Variants in HTR1F observed in about 807,000 individuals in gnomAD.
HTR1F encodes 5-hydroxytryptamine receptor 1F.
HTR1F carries 17 observed loss-of-function variants against 24.0 expected under a neutral mutation model. The observed-to-expected ratio is 0.71, with a 90% CI of 0.48 to 1.06. The LOEUF (loss-of-function observed/expected upper bound fraction) is 1.06, where lower values mean the gene tolerates loss of function less well. Ranked by LOEUF, HTR1F falls within the 50% of genes least tolerant of loss-of-function variation. The pLI, the probability that HTR1F is intolerant of heterozygous loss-of-function variation, is 0.00. For synonymous variants in HTR1F, 186 were observed against 156.8 expected, an observed-to-expected ratio of 1.19 and a Z score of -1.39; for missense variants, 391 against 427.8, an observed-to-expected ratio of 0.91 and a Z score of 0.76.
At chr3:87,849,273 C>G (rs1445545648) in intron 2 of HTR1F, among the ~76,000 whole-genome samples, 29 of 151,628 alleles carry the variant, frequency 1.9e-4, no homozygotes, top group East Asian at 3.9e-4. Context: ...TAGATCAATG[C>G]AACAGAACAG....
intron 1 of HTR1F, among the ~76,000 whole-genome samples, chr3:87,812,904 G>A (rs188408557): frequency 6.6e-6 from 1 of 152,370 alleles, no homozygotes; most frequent in African/African-American, 2.4e-5. Context: ...TGCATGTGCA[G>A]AGTCAAGAAG....
intron 2 of HTR1F, among the ~76,000 whole-genome samples, chr3:87,841,831 C>G (rs1472388717): frequency 7.4e-6 from 1 of 134,992 alleles, no homozygotes; most frequent in Non-Finnish European, 1.5e-5. Flanking sequence ...ACCCTGGAGG[C>G]AGAGATTGCA....
intron 2 of HTR1F, among the ~76,000 whole-genome samples, chr3:87,945,086 C>A (rs1409731742): frequency 6.6e-6 from 1 of 151,688 alleles, no homozygotes; most frequent in Non-Finnish European, 1.5e-5. Context: ...CTCTCTCTCT[C>A]CTCCATCTCT....
At chr3:87,884,588 C>T (rs1243605316) in intron 2 of HTR1F, among the ~76,000 whole-genome samples, 1 of 152,112 alleles carries the variant, frequency 6.6e-6, no homozygotes, top group Non-Finnish European at 1.5e-5. Context: ...CATCACTGTG[C>T]TATATTCAGG....
At position 87,873,883 on chromosome 3, in the gene HTR1F, T is replaced by C. The variant is rs562727541; in HGVS notation, c.-43+51759T>C. Among the ~76,000 whole-genome samples, 3 of 152,238 alleles carry C rather than the reference T, an allele frequency of 2.0e-5. No homozygotes were observed. The South Asian group carries it at 6.2e-4, about 32-fold the overall frequency. The stretch of plus-strand genomic sequence containing the variant: ...AACAGTAAGGACAAAAACCATATGA[T>C]TATCTCAATAGATACAGAAAATGTA... On this transcript the variant is annotated intron_variant, in intron 2 of 2. Transcript: ENST00000319595.
chr3:87,919,208 T>C (rs1260413158), intron 2 of HTR1F, among the ~76,000 whole-genome samples: 5 of 152,112 alleles, frequency 3.3e-5, no homozygotes, highest in African/African-American at 9.7e-5. Context: ...TCTCTCACCT[T>C]ATATAAAAAT....
chr3:87,819,333 C>A (rs1704310169), intron 1 of HTR1F, among the ~76,000 whole-genome samples: 1 of 149,268 alleles, frequency 6.7e-6, no homozygotes, highest in East Asian at 1.9e-4. Flanking sequence ...CATTGTTATA[C>A]AATAAGATTT....
chr3:87,808,927 A>G (rs1035938539), intron 1 of HTR1F, among the ~76,000 whole-genome samples: 1 of 151,634 alleles, frequency 6.6e-6, no homozygotes, highest in Non-Finnish European at 1.5e-5. Context: ...CTCTTTTTAT[A>G]GATTTCTAGT....
At chr3:87,923,352 G>A (rs1443708619) in intron 2 of HTR1F, among the ~76,000 whole-genome samples, 3 of 151,776 alleles carry the variant, frequency 2.0e-5, no homozygotes, top group Admixed American at 2.0e-4. Flanking sequence ...TCTCTTGGGG[G>A]ACATGATCAT....
chr3:87,938,994 A>G (rs1186258392), intron 2 of HTR1F, among the ~76,000 whole-genome samples: 1 of 152,202 alleles, frequency 6.6e-6, no homozygotes, highest in African/African-American at 2.4e-5. Flanking sequence ...GAGTAAGCAA[A>G]TAACCTACAG....
At position 87,905,559 on chromosome 3, in the gene HTR1F, A is replaced by G. The variant is rs188733755; in HGVS notation, c.-43+83435A>G. Among the ~76,000 whole-genome samples, 11 of 152,204 alleles carry G rather than the reference A, an allele frequency of 7.2e-5. No homozygotes were observed. In the East Asian group the frequency reaches 2.1e-3, roughly 29 times the overall value. Reference sequence around the variant, plus strand: ...TAATTGCTATCATAACAAATTGCAGAACGTTGGGATGCTCCCTTTGACAAT... The same window carrying G: ...TAATTGCTATCATAACAAATTGCAGGACGTTGGGATGCTCCCTTTGACAAT... On this transcript the variant is annotated intron_variant, in intron 2 of 2. Coordinates refer to ENST00000319595, the MANE Select transcript of HTR1F (RefSeq NM_001322209.2).
chr3:87,845,315 A>T (rs1410442280), intron 2 of HTR1F, among the ~76,000 whole-genome samples: 1 of 151,842 alleles, frequency 6.6e-6, no homozygotes, highest in Non-Finnish European at 1.5e-5. Flanking sequence ...AGATGACATG[A>T]TTGTATATCT....
chr3:87,958,896 C>A (rs923016538), intron 2 of HTR1F, among the ~76,000 whole-genome samples: 5 of 151,598 alleles, frequency 3.3e-5, no homozygotes, highest in Non-Finnish European at 5.9e-5. Flanking sequence ...TTCTCAACCA[C>A]CACCACCACC....
At chr3:87,986,311 T>C (rs1559659508) in intron 2 of HTR1F, among the ~76,000 whole-genome samples, 1 of 152,172 alleles carries the variant, frequency 6.6e-6, no homozygotes, top group Non-Finnish European at 1.5e-5. Flanking sequence ...CCAACGCCAT[T>C]GGTTGCCTTT....
chr3:87,906,395 G>T (rs1341346452), intron 2 of HTR1F, among the ~76,000 whole-genome samples: 1 of 151,888 alleles, frequency 6.6e-6, no homozygotes, highest in African/African-American at 2.4e-5. Flanking sequence ...AATTCCTATA[G>T]AACAAAGAAA....
At chr3:87,824,817 T>A (rs531784021) in intron 2 of HTR1F, among the ~76,000 whole-genome samples, 2 of 152,328 alleles carry the variant, frequency 1.3e-5, no homozygotes, top group South Asian at 4.1e-4. Context: ...AAATAAATAA[T>A]AAAATTCTGT....
chr3:87,973,586 G>C (rs1328188091), intron 2 of HTR1F, among the ~76,000 whole-genome samples: 1 of 152,130 alleles, frequency 6.6e-6, no homozygotes, highest in Non-Finnish European at 1.5e-5. Context: ...GGCTACTTTA[G>C]AGTATAAATT....
chr3:87,881,749 T>A (rs974800023), intron 2 of HTR1F, among the ~76,000 whole-genome samples: 10 of 152,094 alleles, frequency 6.6e-5, no homozygotes, highest in African/African-American at 2.4e-4. Flanking sequence ...CCTAAAACCA[T>A]AAAAACCCTA....
chr3:87,978,191 G>A (rs1272463235), intron 2 of HTR1F, among the ~76,000 whole-genome samples: 1 of 152,122 alleles, frequency 6.6e-6, no homozygotes, highest in Non-Finnish European at 1.5e-5. Flanking sequence ...GAACATGGTG[G>A]CACTCAGAAG....
Sources: gnomAD v4.1 joint callset for allele counts (sites outside exome capture counted in the v4.1 genomes callset) on GRCh38, gnomAD v4.1.1 for gene constraint, MANE v1.5 for transcripts, NCBI Gene and HGNC (gene_info 2026-07-23, HGNC 2026-07-21) for gene names.